The following PTPN3 variants were observed in gnomAD, a reference collection of about 807,000 sequenced individuals.
PTPN3 encodes the protein tyrosine-protein phosphatase non-receptor type 3.
In PTPN3, 96 loss-of-function variants were observed where a neutral mutation model predicts 132.7. That is an observed-to-expected ratio of 0.72 (90% CI 0.61 to 0.86). The LOEUF (loss-of-function observed/expected upper bound fraction) is 0.86. Ranked by LOEUF, PTPN3 falls within the 40% of genes least tolerant of loss-of-function variation. The pLI, the probability that PTPN3 is intolerant of heterozygous loss-of-function variation, is 0.00. For missense variants in PTPN3, 1,125 were observed against 1,159.6 expected, an observed-to-expected ratio of 0.97 and a Z score of 0.43; for synonymous variants, 398 against 429.0, an observed-to-expected ratio of 0.93 and a Z score of 0.89.
chr9:109,386,238 T>A (rs1839572131), intron 22 of PTPN3, among the ~76,000 whole-genome samples: 1 of 152,130 alleles, frequency 6.6e-6, no homozygotes. Flanking sequence ...GGAGGAAATA[T>A]GCACCCTGGA....
intron 2 of PTPN3, among the ~76,000 whole-genome samples, chr9:109,460,794 C>T (rs901213745): frequency 1.3e-5 from 2 of 152,110 alleles, no homozygotes; most frequent in African/African-American, 4.8e-5. Context: ...TTTTTATGGC[C>T]CATCTCCCCT....
intron 5 of PTPN3, chr9:109,451,217 T>G: frequency 1.0e-6 from 1 of 980,740 alleles, no homozygotes; most frequent in Non-Finnish European, 1.2e-6. Flanking sequence ...AGCAAGACCC[T>G]GTTTCAAAAA....
chr9:109,376,446 G>A lies in PTPN3; in HGVS notation c.*3110C>T, dbSNP rs1838566807. 1 of 152,158 alleles carries A rather than the reference G, an allele frequency of 6.6e-6. No homozygotes were observed. Among genetic ancestry groups the A allele is most frequent in the African/African-American group, 2.4e-5 (1 of 41,434 alleles). The allele number at this position is 152,158 out of a possible 1,614,324, so 9.4% of individuals were successfully genotyped here. A position where few individuals can be genotyped will look rare whatever the true frequency, so the allele number is the denominator to read the frequency against. ...AAAGCATATTTAAATATGAATTACT[G>A]TGGTAGGAAACGAAAGACAACTGTG... On this transcript the variant is annotated 3_prime_UTR_variant, in exon 26 of 26. Transcript: ENST00000374541.
intron 18 of PTPN3, 138 bp downstream of exon 18, chr9:109,406,324 T>C: frequency 1.7e-6 from 2 of 1,177,390 alleles, no homozygotes; most frequent in South Asian, 3.1e-5. Flanking sequence ...AGCCAAACAT[T>C]CGGTTATTAC....
upstream of PTPN3, among the ~76,000 whole-genome samples, chr9:109,499,816 G>A (rs1288932954): frequency 4.6e-5 from 7 of 152,300 alleles, no homozygotes; most frequent in South Asian, 6.2e-4. Context: ...GATTTCCGAC[G>A]GAGCCCGGAG....
intron 4 of PTPN3, among the ~76,000 whole-genome samples, chr9:109,454,849 C>T (rs146559344): frequency 3.1e-4 from 47 of 152,258 alleles, no homozygotes; most frequent in Non-Finnish European, 5.6e-4. Context: ...CATTGCACTC[C>T]GTCATCTGTA....
At chr9:109,472,092 C>T (rs1846411958) in intron 1 of PTPN3, among the ~76,000 whole-genome samples, 1 of 152,198 alleles carries the variant, frequency 6.6e-6, no homozygotes, top group Non-Finnish European at 1.5e-5. Context: ...GATGAAGTAA[C>T]AGATTTTCCA....
At chr9:109,516,293 G>A in the PTPN3 span, among the ~76,000 whole-genome samples, 1 of 152,182 alleles carries the variant, frequency 6.6e-6, no homozygotes, top group East Asian at 1.9e-4. Flanking sequence ...TAATAGAAGG[G>A]ACAGATAAAC....
intron 6 of PTPN3, among the ~76,000 whole-genome samples, chr9:109,445,632 G>A (rs1364138115): frequency 6.6e-6 from 1 of 152,144 alleles, no homozygotes; most frequent in Non-Finnish European, 1.5e-5. Context: ...TGTACTCTGA[G>A]ATCAATGGGC....
At chr9:109,465,706 C>CG (rs772200806) in intron 1 of PTPN3, among the ~76,000 whole-genome samples, 1 of 64,830 alleles carries the variant, frequency 1.5e-5, no homozygotes, top group Non-Finnish European at 2.8e-5. Context: ...AACTCTGTCT[C>CG]AAAAAAAAAA....
intron 12 of PTPN3, among the ~76,000 whole-genome samples, chr9:109,425,054 A>G (rs138549666): frequency 8.9e-4 from 135 of 152,302 alleles, no homozygotes; most frequent in African/African-American, 3.2e-3. Flanking sequence ...GGCCCAACCT[A>G]AGTCAATGAT....
At chr9:109,402,639 G>C (rs1841236466) in intron 19 of PTPN3, among the ~76,000 whole-genome samples, 1 of 151,990 alleles carries the variant, frequency 6.6e-6, no homozygotes, top group South Asian at 2.1e-4. Flanking sequence ...TGAAAAAAAG[G>C]GCTATTTCCC....
chr9:109,510,385 CCT>C, the PTPN3 span, among the ~76,000 whole-genome samples: 1 of 151,158 alleles, frequency 6.6e-6, no homozygotes. Flanking sequence ...ATGGAGAAAC[CCT>C]GTCTCTACTA....
At chr9:109,426,820 A>C in intron 12 of PTPN3, 130 bp downstream of exon 12, 1 of 1,006,272 alleles carries the variant, frequency 9.9e-7, no homozygotes, top group Non-Finnish European at 1.4e-6. Context: ...GTTATGGTTC[A>C]GAGATCCAAT....
At chr9:109,482,024 G>C (rs755215630) in intron 1 of PTPN3, among the ~76,000 whole-genome samples, 6 of 152,234 alleles carry the variant, frequency 3.9e-5, no homozygotes, top group Non-Finnish European at 8.8e-5. Flanking sequence ...ATAGAAAATG[G>C]AGCCTCTGCC....
At position 109,416,588 on chromosome 9, in the gene PTPN3, C is replaced by T. The variant is rs139632615; in HGVS notation, c.1313+3836G>A. On this transcript the variant is annotated intron_variant, in intron 14 of 25. Transcript: ENST00000374541. ...AACCTCCCGAGCAGCCAGGACAACA[C>T]GCAGACAACATCGTGCCCGCCTAAT... Among the ~76,000 whole-genome samples, 705 of 151,806 alleles carry T rather than the reference C, an allele frequency of 4.6e-3. 5 individuals are homozygous for T. The highest frequency in any genetic ancestry group is 7.9e-3 in the Non-Finnish European group (536 of 67,914).
At chr9:109,383,349 G>A (rs1839278340) in intron 23 of PTPN3, 74 bp downstream of exon 23, 5 of 1,611,696 alleles carry the variant, frequency 3.1e-6, no homozygotes, top group South Asian at 2.2e-5. Context: ...ACCTAGAAGC[G>A]TGACCACCTG....
upstream of PTPN3, among the ~76,000 whole-genome samples, chr9:109,498,680 A>G (rs137952359): frequency 7.4e-4 from 113 of 152,302 alleles, 2 homozygotes; most frequent in South Asian, 7.7e-3. The surrounding 1 kb of genome is among the most constrained non-coding windows in gnomAD (Gnocchi z 4.2). Context: ...CTTCCAGTCC[A>G]GTGCTCGTCC....
intron 19 of PTPN3, among the ~76,000 whole-genome samples, chr9:109,399,940 C>CTTTT (rs1231862931): frequency 7.3e-5 from 10 of 136,294 alleles, no homozygotes; most frequent in Admixed American, 1.5e-4. Context: ...ACACAGTTAC[C>CTTTT]TTTTTTTTTT....
Sources: allele counts gnomAD v4.1 joint callset (sites outside exome capture counted in the v4.1 genomes callset), GRCh38; gene constraint gnomAD v4.1.1; non-coding constraint Gnocchi (gnomAD v3.1); transcripts MANE v1.5; gene names NCBI Gene and HGNC (gene_info 2026-07-23, HGNC 2026-07-21).